Variants in VWA8 observed in about 807,000 individuals in gnomAD.
VWA8 encodes the protein von Willebrand factor A domain-containing protein 8.
Under a neutral mutation model 241.5 loss-of-function variants are expected in VWA8, and 221 were observed. That is an observed-to-expected ratio of 0.91 (90% CI 0.82 to 1.02). The LOEUF (loss-of-function observed/expected upper bound fraction) is 1.02. Among genes scored for constraint, VWA8 ranks in the 50% least tolerant of loss-of-function variants. The pLI is 0.00. For missense variants in VWA8, 2,322 were observed against 2,328.7 expected, an observed-to-expected ratio of 1.00 and a Z score of 0.06; for synonymous variants, 852 against 827.1, an observed-to-expected ratio of 1.03 and a Z score of -0.52.
intron 37 of VWA8, among the ~76,000 whole-genome samples, chr13:41,636,982 T>G (rs987279855): frequency 5.3e-5 from 8 of 150,950 alleles, no homozygotes; most frequent in African/African-American, 7.4e-5. Context: ...GTAAACTAGT[T>G]CAACCATTGT....
rs138591064 is a variant in VWA8 at position 41,874,371 on chromosome 13, A to G, written c.1081-5894T>C. Among the ~76,000 whole-genome samples the G allele has an allele frequency of 2.8e-4, 42 of 152,190 alleles. 1 individual carries two copies. In the East Asian group the frequency reaches 8.1e-3, roughly 29 times the overall value. On this transcript the variant is annotated intron_variant, in intron 9 of 44. Coordinates refer to ENST00000379310, the MANE Select transcript of VWA8 (RefSeq NM_015058.2). ...AGGAGAAGGAAATAAAGGGTATTCA[A>G]TTAGGAAAAAAGGAAGTCAAATTGT... is the stretch of plus-strand genomic sequence containing the variant.
chr13:41,587,483 C>T, intron 42 of VWA8, 29 bp downstream of exon 42: 1 of 1,613,050 alleles, frequency 6.2e-7, no homozygotes, highest in Non-Finnish European at 8.5e-7. Context: ...TCAATGATGC[C>T]TCTCATTATT....
Position 41,685,107 on chromosome 13 carries a change from T to G in VWA8, c.4267A>C (p.Asn1423His). The G allele has an allele frequency of 6.2e-7, 1 of 1,613,662 alleles. No individual in the cohort carries two copies. The highest frequency in any genetic ancestry group is 1.1e-5 in the South Asian group (1 of 91,068). ...GGGGGTAAAATCCTCACTACCTGATTCGTATCTAAAAGAGTCACACAATTG... is the reference window on the plus strand; with the variant it reads ...GGGGGTAAAATCCTCACTACCTGATGCGTATCTAAAAGAGTCACACAATTG... ...QSNCVTLLDT[N>H]QVVRILPPGE... The change falls in exon 35 of 45, where the codon AAT becomes CAT. Residue 1423 changes from asparagine (N) to histidine (H), a missense_variant. Asn to His is a moderately conservative substitution (Grantham distance 68, BLOSUM62 1). Coordinates refer to ENST00000379310, the MANE Select transcript of VWA8 (RefSeq NM_015058.2).
At chr13:41,872,135 C>T (rs1873658675) in intron 9 of VWA8, among the ~76,000 whole-genome samples, 1 of 152,026 alleles carries the variant, frequency 6.6e-6, no homozygotes, top group Admixed American at 6.5e-5. Flanking sequence ...TGTCCTTCAC[C>T]CACTTTTTGA....
At chr13:41,951,208 G>A (rs2138166357) in intron 1 of VWA8, among the ~76,000 whole-genome samples, 1 of 152,124 alleles carries the variant, frequency 6.6e-6, no homozygotes, top group African/African-American at 2.4e-5. Context: ...CTTGAGGTCA[G>A]GAGTTAGAGA....
At position 41,647,424 on chromosome 13, in the gene VWA8, C is replaced by T. The variant is rs1350800533; in HGVS notation, c.4611+23522G>A. Among the ~76,000 whole-genome samples, 4 of 152,110 alleles carry T rather than the reference C, an allele frequency of 2.6e-5. No individual in the cohort carries two copies. The South Asian group carries it at 8.3e-4, about 32-fold the overall frequency. On this transcript the variant is annotated intron_variant, in intron 37 of 44. Coordinates refer to ENST00000379310, the MANE Select transcript of VWA8 (RefSeq NM_015058.2). ...CAAACAAATAAGATTTTCTTAAATA[C>T]ATTAGAATGTGTTCATTTAAAAGAC...
intron 4 of VWA8, among the ~76,000 whole-genome samples, chr13:41,901,903 TATATATATATAC>T (rs1305456120): frequency 6.7e-4 from 65 of 97,136 alleles, no homozygotes; most frequent in Non-Finnish European, 9.1e-4. Flanking sequence ...TATATATATA[TATATATATATAC>T]ACACACATAT....
intron 37 of VWA8, among the ~76,000 whole-genome samples, chr13:41,641,673 C>A (rs2044796009): frequency 6.6e-6 from 1 of 151,974 alleles, no homozygotes; most frequent in African/African-American, 2.4e-5. Context: ...TTAAGAGACA[C>A]CATGGGAATG....
chr13:41,644,228 G>A (rs887761900), intron 37 of VWA8, among the ~76,000 whole-genome samples: 1 of 150,892 alleles, frequency 6.6e-6, no homozygotes, highest in South Asian at 2.1e-4. Flanking sequence ...TTCCTCTTAC[G>A]AGCCTCTAAT....
At chr13:41,716,545 C>T (rs2045349143) in intron 26 of VWA8, among the ~76,000 whole-genome samples, 1 of 151,974 alleles carries the variant, frequency 6.6e-6, no homozygotes, top group Admixed American at 6.6e-5. Context: ...TATCTTGGCC[C>T]TTGTAAAAAA....
intron 2 of VWA8, among the ~76,000 whole-genome samples, chr13:41,943,409 A>G (rs1877688486): frequency 6.6e-6 from 1 of 152,192 alleles, no homozygotes; most frequent in Non-Finnish European, 1.5e-5. Context: ...CTATCCTTTT[A>G]AAACAAAGCA....
At chr13:41,952,202 T>C (rs1246030474) in intron 1 of VWA8, among the ~76,000 whole-genome samples, 3 of 152,178 alleles carry the variant, frequency 2.0e-5, no homozygotes, top group Admixed American at 6.5e-5. Context: ...GGTCCAGCAA[T>C]CGGTGTTACA....
intron 20 of VWA8, among the ~76,000 whole-genome samples, chr13:41,777,520 A>G (rs1330347786): frequency 6.6e-6 from 1 of 152,168 alleles, no homozygotes; most frequent in Admixed American, 6.5e-5. Flanking sequence ...AATCCTGTAC[A>G]CTGTACTGAA....
intron 1 of VWA8, among the ~76,000 whole-genome samples, chr13:41,959,804 T>C (rs1448493351): frequency 2.0e-5 from 3 of 151,588 alleles, no homozygotes; most frequent in East Asian, 3.9e-4. Context: ...ACACGGGGGT[T>C]TCACCGTGTT....
chr13:41,943,621 C>T (rs1877701705), intron 2 of VWA8, among the ~76,000 whole-genome samples: 1 of 152,114 alleles, frequency 6.6e-6, no homozygotes, highest in Non-Finnish European at 1.5e-5. Flanking sequence ...AATACTTATA[C>T]ATGACAAAGT....
intron 9 of VWA8, among the ~76,000 whole-genome samples, chr13:41,882,858 T>A (rs1874330112): frequency 6.9e-6 from 1 of 145,074 alleles, no homozygotes; most frequent in African/African-American, 2.6e-5. Context: ...CCTATTTTTT[T>A]AACTAAATAT....
chr13:41,901,865 C>CAAAAAAAA (rs1167305999), intron 4 of VWA8, among the ~76,000 whole-genome samples: 5 of 24,678 alleles, frequency 2.0e-4, no homozygotes, highest in African/African-American at 2.9e-4. Context: ...GACTCCATCT[C>CAAAAAAAA]AAAAAAAAAA....
At chr13:41,569,536 G>C (rs2044285784) in intron 44 of VWA8, among the ~76,000 whole-genome samples, 2 of 152,088 alleles carry the variant, frequency 1.3e-5, no homozygotes, top group Non-Finnish European at 2.9e-5. Flanking sequence ...GGAATAGAAA[G>C]AGAAAAAGCT....
rs1042634039 is a variant in VWA8 at position 41,581,101 on chromosome 13, C to T, written c.5272-5263G>A. The stretch of plus-strand genomic sequence containing the variant: ...TGCAGGCTCCGCCCCCTGGAGTTCA[C>T]GCCATTCTCCTGCCTCAGCCTCCGG... On this transcript the variant is annotated intron_variant, in intron 42 of 44. Coordinates refer to ENST00000379310, the MANE Select transcript of VWA8 (RefSeq NM_015058.2). 3.9e-5 allele frequency among the ~76,000 whole-genome samples: 5 copies of T among 127,846 alleles called. 1 individual carries two copies. The highest frequency in any genetic ancestry group is 1.2e-4 in the African/African-American group (3 of 25,566). The allele number at this position is 127,846 out of a possible 152,430, so 83.9% of individuals were successfully genotyped here.
Sources: gnomAD v4.1 joint callset for allele counts (sites outside exome capture counted in the v4.1 genomes callset) on GRCh38, gnomAD v4.1.1 for gene constraint, MANE v1.5 for transcripts, NCBI Gene and HGNC (gene_info 2026-07-23, HGNC 2026-07-21) for gene names.